Variants in FCN3 observed in about 807,000 individuals in gnomAD.
The protein encoded by FCN3 is ficolin 3.
FCN3 carries 28 observed loss-of-function variants against 31.5 expected under a neutral mutation model. That is an observed-to-expected ratio of 0.89 (90% CI 0.66 to 1.22). The LOEUF (loss-of-function observed/expected upper bound fraction) is 1.22, where lower values mean the gene tolerates loss of function less well. Ranked by LOEUF, FCN3 falls within the 50% of genes most tolerant of loss-of-function variation. The probability of loss-of-function intolerance (pLI) is 0.00; values close to 1 mark genes in which losing one functional copy is unlikely to be tolerated. For synonymous variants in FCN3, 124 were observed against 147.4 expected (o/e 0.84, Z 1.15); for missense variants, 351 against 386.8 (o/e 0.91, Z 0.78).
intron 7 of FCN3, among the ~76,000 whole-genome samples, chr1:27,369,734 CCTCTAGCTCCTTTGTCTT>C (rs1401761812): frequency 6.6e-6 from 1 of 151,848 alleles, no homozygotes; most frequent in East Asian, 1.9e-4. Context: ...CCCCGGCCCC[CCTCTAGCTCCTTTGTCTT>C]CTCTCAGCTC....
At position 27,373,982 on chromosome 1, in the gene FCN3, C is replaced by T; in HGVS notation, c.215G>A (p.Gly72Asp). ...QGPPGPPGKM[G>D]PKGEPGDPVN... is the part of the protein sequence containing the mutation. The stretch of plus-strand genomic sequence containing the variant: ...TTACTCACCTGGCTCACCCTTGGGG[C>T]CCATCTTGCCTGGTGGTCCAGGTGG... The change falls in exon 3 of 8, where the codon GGC (glycine) becomes GAC (aspartate). Residue 72 changes from glycine to aspartate, a missense_variant. Coordinates refer to ENST00000270879, the MANE Select transcript of FCN3 (RefSeq NM_003665.4). 1 of 1,613,718 alleles carries T rather than the reference C, an allele frequency of 6.2e-7. No homozygotes were observed. Among genetic ancestry groups the T allele is most frequent in the African/African-American group, 1.3e-5 (1 of 75,048 alleles).
Position 27,373,502 on chromosome 1 carries a change from A to C in FCN3, c.251T>G (p.Leu84Arg). Reference sequence around the variant, plus strand: ...GGCTGCCTCACCTTCCTGGCACCGGAGCAGGTTCACTGGATCTCCTGCCCC... The same window carrying C: ...GGCTGCCTCACCTTCCTGGCACCGGCGCAGGTTCACTGGATCTCCTGCCCC... ...KGEPGDPVNL[L>R]RCQEGPRNCR... is the part of the protein sequence containing the mutation. The change falls in exon 4 of 8, where the codon CTC becomes CGC. Residue 84 changes from leucine (L) to arginine (R), a missense_variant. Physicochemically the swap from Leu to Arg is moderately radical, Grantham distance 102. Coordinates refer to ENST00000270879, the MANE Select transcript of FCN3 (RefSeq NM_003665.4). 1 of 1,614,032 alleles carries C rather than the reference A, an allele frequency of 6.2e-7. No homozygotes were observed.
chr1:27,374,337 G>A lies in FCN3; in HGVS notation c.187+19C>T, dbSNP rs373234547. The A allele has an allele frequency of 2.8e-5, 44 of 1,568,310 alleles. No individual in the cohort carries two copies. Among genetic ancestry groups the A allele is most frequent in the South Asian group, 5.6e-5 (5 of 90,016 alleles). ...TTCCCCATTCCCAAGATCCCAGCCCGCTCCCCAGCCCCTCTCACCTTGAGG... is the reference window on the plus strand; with the variant it reads ...TTCCCCATTCCCAAGATCCCAGCCCACTCCCCAGCCCCTCTCACCTTGAGG... On this transcript the variant is annotated intron_variant, in intron 2 of 7. Coordinates refer to ENST00000270879, the MANE Select transcript of FCN3 (RefSeq NM_003665.4).
chr1:27,373,649 G>C, intron 3 of FCN3, 129 bp from the exon 4 acceptor site: 1 of 971,952 alleles, frequency 1.0e-6, no homozygotes, highest in Non-Finnish European at 1.6e-6. Flanking sequence ...TACCCTGTAG[G>C]AGGGCCATCA....
intron 5 of FCN3, among the ~76,000 whole-genome samples, chr1:27,372,160 C>T (rs555570077): frequency 4.3e-4 from 66 of 152,210 alleles, no homozygotes; most frequent in South Asian, 8.3e-4. Flanking sequence ...TGGTGTAGCC[C>T]GAATCATCTT....
At chr1:27,369,562 G>C in intron 7 of FCN3, 85 bp from the exon 8 acceptor site, 1 of 1,307,252 alleles carries the variant, frequency 7.6e-7, no homozygotes. Flanking sequence ...GAGTCTCAGA[G>C]CAACTAAGAG....
intron 1 of FCN3, 43 bp from the exon 2 acceptor site, chr1:27,374,494 T>G: frequency 7.7e-7 from 1 of 1,296,580 alleles, no homozygotes. Context: ...GTAGACTGTC[T>G]CTTCCAGACC....
Position 27,371,017 on chromosome 1 carries a change from T to C in FCN3, c.394-45A>G, listed in dbSNP as rs765841309. On this transcript the variant is annotated intron_variant, in intron 5 of 7. Transcript: ENST00000270879. ...GCAGCTATTACTCCAGGCTGGGCAC[T>C]GGCAGCTGAGGGTGCAGGAACTGTG... The C allele has an allele frequency of 2.9e-5, 46 of 1,587,038 alleles. No homozygotes were observed. In the East Asian group the frequency reaches 1.0e-3, roughly 34 times the overall value.
chr1:27,373,949 A>G lies in FCN3; in HGVS notation c.232+16T>C. ...AGGCAAAGAAAGCGGGGAGGCCTCCAGCCCCACTTACTCACCTGGCTCACC... is the reference window on the plus strand; with the variant it reads ...AGGCAAAGAAAGCGGGGAGGCCTCCGGCCCCACTTACTCACCTGGCTCACC... On this transcript the variant is annotated intron_variant, in intron 3 of 7. Transcript: ENST00000270879. The G allele has an allele frequency of 6.2e-7, 1 of 1,611,586 alleles. No homozygotes were observed. The highest frequency in any genetic ancestry group is 8.5e-7 in the Non-Finnish European group (1 of 1,178,172).
rs188566659 is a variant in FCN3, at chr1:27,370,854, A to G, written c.512T>C (p.Leu171Pro). ...FWLGNENLHQ[L>P]TLQGNWELRV... Reference sequence around the variant, plus strand: ...TGCTGGGAACTCACCCTGGAGAGTAAGCTGGTGCAAATTCTCATTTCCCAG... The same window carrying G: ...TGCTGGGAACTCACCCTGGAGAGTAGGCTGGTGCAAATTCTCATTTCCCAG... The change falls in exon 6 of 8, where the codon CTT becomes CCT. Residue 171 changes from leucine to proline, a missense_variant. Transcript: ENST00000270879. The G allele has an allele frequency of 1.5e-5, 25 of 1,614,148 alleles. No individual in the cohort carries two copies. The East Asian group carries it at 4.9e-4, about 32-fold the overall frequency.
rs1557577852 is a variant in FCN3 at position 27,373,985 on chromosome 1, AT to A, written c.211del (p.Met71TrpfsTer11). ...CTCACCTGGCTCACCCTTGGGGCCC[AT>A]CTTGCCTGGTGGTCCAGGTGGCCCT... ...PQGPPGPPGK[M>X]GPKGEPGDPV... On this transcript the variant is annotated frameshift_variant, in exon 3 of 8. Coordinates refer to ENST00000270879, the MANE Select transcript of FCN3 (RefSeq NM_003665.4). LOFTEE classifies it high-confidence loss of function. 1 of 1,613,788 alleles carries A rather than the reference AT, an allele frequency of 6.2e-7. No homozygotes were observed. The highest frequency in any genetic ancestry group is 1.3e-5 in the African/African-American group (1 of 75,054).
chr1:27,369,877 TCTCC>T (rs1419408620), intron 7 of FCN3, among the ~76,000 whole-genome samples: 4 of 152,028 alleles, frequency 2.6e-5, no homozygotes, highest in African/African-American at 9.7e-5. Context: ...CTTTTAAATC[TCTCC>T]CCAATAGTCA....
Position 27,369,339 on chromosome 1 carries a change from C to T in FCN3, c.797G>A (p.Arg266His), listed in dbSNP as rs746674895. Residue 266 changes from arginine (R) to histidine (H), a missense_variant, in exon 8 of 8, where the codon CGC becomes CAC. Arg to His is a conservative substitution (Grantham distance 29). Coordinates refer to ENST00000270879, the MANE Select transcript of FCN3 (RefSeq NM_003665.4). ...GGCGGCAGCCTCAGACACTGCATAG[C>T]GACCATTGAGATTTGATCGGTAACA... Reference protein sequence around the residue: ...ASCYRSNLNGRYAVSEAAAHK... With the variant: ...ASCYRSNLNGHYAVSEAAAHK... 14 of 1,614,234 alleles carry T rather than the reference C, an allele frequency of 8.7e-6. No homozygotes were observed. Among genetic ancestry groups the T allele is most frequent in the South Asian group, 1.1e-5 (1 of 91,088 alleles).
chr1:27,374,048 C>T, intron 2 of FCN3, 39 bp from the exon 3 acceptor site: 1 of 1,589,488 alleles, frequency 6.3e-7, no homozygotes, highest in Non-Finnish European at 8.6e-7. Flanking sequence ...AGTCCCACCC[C>T]ATGCCCAGGA....
In FCN3 at chr1:27,369,467, CA is replaced by C; in HGVS notation, c.668del (p.Leu223ArgfsTer25). ...TAAAGGGCCTCCCACTGTGGAGGCTCAGGGAATCCCCTAGCAGGGAAGGGAT... is the reference window on the plus strand; with the variant it reads ...TAAAGGGCCTCCCACTGTGGAGGCTCGGGAATCCCCTAGCAGGGAAGGGAT... ...KFSEGTAGDS[L>X]SLHSGRPFTT... On this transcript the variant is annotated frameshift_variant, in exon 8 of 8. Transcript: ENST00000270879. LOFTEE classifies it low-confidence loss of function (END_TRUNC). 2 of 1,613,902 alleles carry C rather than the reference CA, an allele frequency of 1.2e-6. No individual in the cohort carries two copies. The highest frequency in any genetic ancestry group is 1.7e-6 in the Non-Finnish European group (2 of 1,179,786).
At chr1:27,373,890 C>T in intron 3 of FCN3, 75 bp downstream of exon 3, 2 of 1,311,594 alleles carry the variant, frequency 1.5e-6, no homozygotes, top group Non-Finnish European at 2.2e-6. Flanking sequence ...GCACAGCAGC[C>T]AAGCAGAGAT....
At chr1:27,369,865 C>G (rs1030777367) in intron 7 of FCN3, among the ~76,000 whole-genome samples, 23 of 152,170 alleles carry the variant, frequency 1.5e-4, no homozygotes, top group Non-Finnish European at 2.6e-4. Flanking sequence ...AACCACTTCC[C>G]TCTTTTAAAT....
intron 6 of FCN3, 44 bp downstream of exon 6, chr1:27,370,799 G>A (rs953044252): frequency 6.2e-7 from 1 of 1,610,964 alleles, no homozygotes; most frequent in Non-Finnish European, 8.5e-7. Flanking sequence ...ATTCAGGATG[G>A]CAGACAGTAA....
intron 3 of FCN3, 28 bp downstream of exon 3, chr1:27,373,936 CG>C: frequency 6.2e-7 from 1 of 1,601,830 alleles, no homozygotes; most frequent in Non-Finnish European, 8.5e-7. Context: ...GCAAAGAAAG[CG>C]GGGAGGCCTC....
Sources: allele counts gnomAD v4.1 joint callset (sites outside exome capture counted in the v4.1 genomes callset), GRCh38; gene constraint gnomAD v4.1.1; transcripts MANE v1.5; gene names NCBI Gene and HGNC (gene_info 2026-07-23, HGNC 2026-07-21).